URI1: variants seen among roughly 807,000 people sequenced by gnomAD.
URI1 encodes unconventional prefoldin RPB5 interactor 1.
In URI1, 39 loss-of-function variants were observed where a neutral mutation model predicts 60.2. That is an observed-to-expected ratio of 0.65 (90% CI 0.50 to 0.85). The LOEUF (loss-of-function observed/expected upper bound fraction) is 0.85. URI1 is among the 40% of genes least tolerant of loss of function. The probability of loss-of-function intolerance (pLI) is 0.00; values close to 1 mark genes in which losing one functional copy is unlikely to be tolerated. For missense variants in URI1, 691 were observed against 665.9 expected (o/e 1.04, Z -0.42); for synonymous variants, 251 against 236.8 (o/e 1.06, Z -0.55).
At chr19:30,010,999 T>C in intron 8 of URI1, 95 bp from the exon 9 acceptor site, 1 of 1,375,870 alleles carries the variant, frequency 7.3e-7, no homozygotes, top group Non-Finnish European at 9.9e-7. Context: ...CTGCCTCTCT[T>C]ACTATTATTT....
intron 1 of URI1, among the ~76,000 whole-genome samples, chr19:29,924,048 A>C (rs899287636): frequency 3.0e-4 from 46 of 152,170 alleles, no homozygotes; most frequent in Non-Finnish European, 6.5e-4. Flanking sequence ...GTCCCAGGGC[A>C]GGAGAAGGTG....
chr19:29,996,792 A>G (rs1296543111), intron 4 of URI1, among the ~76,000 whole-genome samples: 1 of 150,422 alleles, frequency 6.6e-6, no homozygotes, highest in Non-Finnish European at 1.5e-5. Context: ...TTTCTAATTT[A>G]TTGAGTTTTT....
At chr19:30,014,316 A>G (rs2056059078) in intron 10 of URI1, 1 of 152,190 alleles carries the variant, frequency 6.6e-6, no homozygotes, top group African/African-American at 2.4e-5. Flanking sequence ...TATTCCTACT[A>G]GTATCAGCAC....
chr19:29,960,915 A>G (rs1365714821), intron 1 of URI1, among the ~76,000 whole-genome samples: 2 of 152,058 alleles, frequency 1.3e-5, no homozygotes, highest in Non-Finnish European at 1.5e-5. Context: ...GTGCAGTGGT[A>G]TGGTCATAGC....
chr19:29,957,601 CT>C (rs1360235118), intron 1 of URI1, among the ~76,000 whole-genome samples: 1 of 152,012 alleles, frequency 6.6e-6, no homozygotes, highest in African/African-American at 2.4e-5. Context: ...TCAAGATTGT[CT>C]TTACTATTCT....
rs117026672 is a variant in URI1, at chr19:30,009,456, A to G, written c.1035+103A>G. Reference sequence around the variant, plus strand: ...ATTAACAATCATTATCATTGTGGATAGTGCCAGACAGGAAAATCATCTTTT... The same window carrying G: ...ATTAACAATCATTATCATTGTGGATGGTGCCAGACAGGAAAATCATCTTTT... On this transcript the variant is annotated intron_variant, in intron 8 of 10. Coordinates refer to ENST00000392271, the MANE Select transcript of URI1 (RefSeq NM_003796.3). The G allele has an allele frequency of 5.8e-4, 648 of 1,109,530 alleles. 3 individuals carry two copies. In the East Asian group the frequency reaches 6.4e-3, roughly 11 times the overall value. 68.7% of individuals were successfully genotyped at this position (1,109,530 alleles called of 1,614,324 possible).
chr19:29,962,790 C>T (rs2145298086), intron 1 of URI1, among the ~76,000 whole-genome samples: 1 of 152,100 alleles, frequency 6.6e-6, no homozygotes, highest in East Asian at 1.9e-4. Context: ...AACCGTATTT[C>T]TTTTAATGAA....
Position 30,014,986 on chromosome 19 carries a change from A to G in URI1, c.1525A>G (p.Lys509Glu). ...CGCACTACCCACTATTCCAGAACGAAAGGAAGTTCTGTTGGAAGCATCTGA... is the reference window on the plus strand; with the variant it reads ...CGCACTACCCACTATTCCAGAACGAGAGGAAGTTCTGTTGGAAGCATCTGA... ...HPALPTIPER[K>E]EVLLEASEET... The change falls in exon 11 of 11, where the codon AAG becomes GAG. Residue 509 changes from lysine (K) to glutamate (E), a missense_variant. Coordinates refer to ENST00000392271, the MANE Select transcript of URI1 (RefSeq NM_003796.3). The G allele has an allele frequency of 6.2e-7, 1 of 1,613,852 alleles. No individual in the cohort carries two copies. The highest frequency in any genetic ancestry group is 2.2e-5 in the East Asian group (1 of 44,864).
At chr19:29,936,527 T>C (rs565086378) in intron 1 of URI1, among the ~76,000 whole-genome samples, 14 of 152,370 alleles carry the variant, frequency 9.2e-5, no homozygotes, top group Non-Finnish European at 1.8e-4. Context: ...ACAATCTGGC[T>C]GTGAGTTTCA....
At chr19:29,943,736 CT>C (rs1038315871) in intron 1 of URI1, among the ~76,000 whole-genome samples, 17 of 151,994 alleles carry the variant, frequency 1.1e-4, no homozygotes, top group African/African-American at 3.4e-4. Flanking sequence ...TTTCTTTGTT[CT>C]GGTTGGTTTA....
intron 4 of URI1, among the ~76,000 whole-genome samples, chr19:30,000,184 T>C (rs916136206): frequency 6.6e-6 from 1 of 151,910 alleles, no homozygotes; most frequent in Non-Finnish European, 1.5e-5. Flanking sequence ...ATTTAACTGC[T>C]TTTTTTGTTG....
At chr19:29,976,358 C>G (rs1427998892) in intron 2 of URI1, among the ~76,000 whole-genome samples, 1 of 152,156 alleles carries the variant, frequency 6.6e-6, no homozygotes, top group Admixed American at 6.5e-5. Flanking sequence ...CAGTTGGTGG[C>G]TGGGTCAGCT....
At chr19:29,943,082 G>T (rs1227722763) in intron 1 of URI1, among the ~76,000 whole-genome samples, 1 of 151,984 alleles carries the variant, frequency 6.6e-6, no homozygotes, top group Non-Finnish European at 1.5e-5. Context: ...GCAATATTTG[G>T]TTATTTAATA....
chr19:29,948,964 G>A (rs1057088829), intron 1 of URI1, among the ~76,000 whole-genome samples: 1 of 150,704 alleles, frequency 6.6e-6, no homozygotes, highest in African/African-American at 2.4e-5. Flanking sequence ...GCCGGGCGGA[G>A]GCGCCCCCCA....
chr19:29,942,571 GC>G lies in URI1; in HGVS notation c.30del (p.Asp11ThrfsTer44). 19 of 1,422,766 alleles carry G rather than the reference GC, an allele frequency of 1.3e-5. No individual in the cohort carries two copies. The highest frequency in any genetic ancestry group is 5.7e-5 in the South Asian group (4 of 70,728). 88.1% of individuals were successfully genotyped at this position (1,422,766 alleles called of 1,614,324 possible). On this transcript the variant is annotated frameshift_variant, in exon 1 of 11. Coordinates refer to ENST00000392271, the MANE Select transcript of URI1 (RefSeq NM_003796.3). LOFTEE classifies it high-confidence loss of function. Reference sequence around the variant, plus strand: ...TCATGGAGGCGCCCACCGTGGAGACGCCCCCCGACCCCTCGCCCCCTTCGGC... The same window carrying G: ...TCATGGAGGCGCCCACCGTGGAGACGCCCCCGACCCCTCGCCCCCTTCGGC... The part of the protein sequence containing the change: MEAPTVET[P>X]PDPSPPSAPA...
intron 1 of URI1, among the ~76,000 whole-genome samples, chr19:29,933,881 C>G (rs1228573806): frequency 6.7e-6 from 1 of 149,806 alleles, no homozygotes; most frequent in Non-Finnish European, 1.5e-5. Context: ...TTTCTGTTTT[C>G]TGTTTTGTTT....
intron 1 of URI1, among the ~76,000 whole-genome samples, chr19:29,952,165 T>C (rs2055188233): frequency 6.6e-6 from 1 of 152,250 alleles, no homozygotes; most frequent in African/African-American, 2.4e-5. Flanking sequence ...GCAAATAATT[T>C]ACAGGTCTAA....
intron 4 of URI1, among the ~76,000 whole-genome samples, chr19:30,003,841 T>C (rs2055906548): frequency 6.6e-6 from 1 of 152,094 alleles, no homozygotes; most frequent in Admixed American, 6.6e-5. Context: ...AAGTTATTGA[T>C]TTGACCTCCT....
Position 29,985,297 on chromosome 19 carries a change from T to C in URI1, c.227T>C (p.Ile76Thr). ...STLPDKLSYN[I>T]MVPFGPFAFM... is the part of the protein sequence containing the mutation. ...TTGCCTGATAAATTGTCTTATAATA[T>C]AATGGTATGTTTGGTGTGTTTCTTT... is the stretch of plus-strand genomic sequence containing the variant. The change falls in exon 3 of 11, where the codon ATA becomes ACA. Residue 76 changes from isoleucine to threonine, a missense_variant. Coordinates refer to ENST00000392271, the MANE Select transcript of URI1 (RefSeq NM_003796.3). 6.2e-7 allele frequency: 1 copy of C among 1,609,252 alleles called. No homozygotes were observed. The highest frequency in any genetic ancestry group is 2.2e-5 in the East Asian group (1 of 44,754).
Sources: allele counts gnomAD v4.1 joint callset (sites outside exome capture counted in the v4.1 genomes callset), GRCh38; gene constraint gnomAD v4.1.1; transcripts MANE v1.5; gene names NCBI Gene and HGNC (gene_info 2026-07-23, HGNC 2026-07-21).